Variants in ZNF292 observed in about 807,000 individuals in gnomAD.
The protein encoded by ZNF292 is 16 zinc-finger domain protein.
A neutral mutation model predicts 217.9 loss-of-function variants in ZNF292; 26 were observed. The observed-to-expected ratio is 0.12, with a 90% CI of 0.09 to 0.17. The LOEUF (loss-of-function observed/expected upper bound fraction) is 0.17. ZNF292 is among the 10% of genes least tolerant of loss of function. The pLI, the probability that ZNF292 is intolerant of heterozygous loss-of-function variation, is 1.00. For synonymous variants in ZNF292, 1,257 were observed against 1,124.1 expected (o/e 1.12, Z -2.37); for missense variants, 2,904 against 3,175.2 (o/e 0.91, Z 2.05).
rs1775535063 is a variant in ZNF292 at position 87,260,754 on chromosome 6, G to A, written c.7125G>A (p.Leu2375=). 10 of 1,613,318 alleles carry A rather than the reference G, an allele frequency of 6.2e-6. No homozygotes were observed. The highest frequency in any genetic ancestry group is 7.6e-6 in the Non-Finnish European group (9 of 1,179,624). The part of the protein sequence containing the change: ...VYSIKARNDA[L]SECTSRFVTQ... ...CTATAAAGGCTAGAAATGATGCCCT[G>A]TCTGAGTGTACAAGCAGATTTGTAA... is the stretch of plus-strand genomic sequence containing the variant. Residue 2375 remains leucine (L), a synonymous_variant, in exon 8 of 8, where the codon CTG becomes CTA. Coordinates refer to ENST00000369577, the MANE Select transcript of ZNF292 (RefSeq NM_015021.3).
intron 7 of ZNF292, among the ~76,000 whole-genome samples, chr6:87,254,365 G>A (rs184791308): frequency 1.1e-4 from 17 of 152,294 alleles, no homozygotes; most frequent in African/African-American, 4.1e-4. Context: ...TAAGTGGGAT[G>A]GGAAAGGTCA....
rs375412949 is a variant in ZNF292 at position 87,177,094 on chromosome 6, G to A, written c.168+21335G>A. The stretch of plus-strand genomic sequence containing the variant: ...TGTAATCCCAGCACTTTGGGAGGCC[G>A]AGGTGGGCAGATCACCTGAGGTCAG... On this transcript the variant is annotated intron_variant, in intron 1 of 7. Transcript: ENST00000369577. Among the ~76,000 whole-genome samples, 141 of 152,176 alleles carry A rather than the reference G, an allele frequency of 9.3e-4. 2 individuals carry two copies. The East Asian group carries it at 0.02, about 21-fold the overall frequency.
Position 87,257,310 on chromosome 6 carries a change from A to C in ZNF292, c.3681A>C (p.Leu1227Phe), listed in dbSNP as rs146052403. 182 of 1,613,694 alleles carry C rather than the reference A, an allele frequency of 1.1e-4. 1 individual carries two copies. The East Asian group carries it at 3.3e-3, about 29-fold the overall frequency. ...SQDKNEQGGMLCSQMENLPST... is the reference protein window; with the variant it reads ...SQDKNEQGGMFCSQMENLPST... Reference sequence around the variant, plus strand: ...ATAAAAATGAACAAGGTGGTATGTTATGTTCCCAAATGGAAAATTTACCTA... The same window carrying C: ...ATAAAAATGAACAAGGTGGTATGTTCTGTTCCCAAATGGAAAATTTACCTA... The change falls in exon 8 of 8, where the codon TTA becomes TTC. Residue 1227 changes from leucine to phenylalanine, a missense_variant. By Grantham distance (22) the Leu-to-Phe change is conservative. Around this residue, in one of 15 missense-constraint regions of ZNF292, gnomAD observed 687 missense variants for 623.0 expected, o/e 1.10. Coordinates refer to ENST00000369577, the MANE Select transcript of ZNF292 (RefSeq NM_015021.3).
intron 4 of ZNF292, among the ~76,000 whole-genome samples, chr6:87,224,437 G>T (rs1773238561): frequency 6.8e-6 from 1 of 147,992 alleles, no homozygotes. Flanking sequence ...ATACATAGTA[G>T]TTTCACTCCC....
Position 87,254,682 on chromosome 6 carries a change from A to G in ZNF292, c.1053A>G (p.Glu351=), listed in dbSNP as rs1367071481. The G allele has an allele frequency of 6.2e-7, 1 of 1,613,776 alleles. No homozygotes were observed. The highest frequency in any genetic ancestry group is 8.5e-7 in the Non-Finnish European group (1 of 1,179,742). Residue 351 remains glutamate, a synonymous_variant, in exon 8 of 8, where the codon GAA becomes GAG. Transcript: ENST00000369577. ...TEGAGLATCI[E]LCVKALRLES... is the part of the protein sequence containing the mutation. ...GGGCTGGACTTGCTACCTGTATAGAACTGTGTGTAAAGGCTCTTCGCTTGG... is the reference window on the plus strand; with the variant it reads ...GGGCTGGACTTGCTACCTGTATAGAGCTGTGTGTAAAGGCTCTTCGCTTGG...
At chr6:87,168,506 T>C (rs1048030190) in intron 1 of ZNF292, among the ~76,000 whole-genome samples, 3 of 152,194 alleles carry the variant, frequency 2.0e-5, no homozygotes, top group African/African-American at 7.2e-5. Context: ...CGAGTTTCGC[T>C]CTTGTCAGGC....
At chr6:87,204,565 T>TTA (rs1402161875) in intron 1 of ZNF292, among the ~76,000 whole-genome samples, 1 of 139,456 alleles carries the variant, frequency 7.2e-6, no homozygotes, top group Admixed American at 7.1e-5. Flanking sequence ...TTTTTTTTTT[T>TTA]TTTTTTTTTT....
chr6:87,261,014 C>A lies in ZNF292; in HGVS notation c.7385C>A (p.Ser2462Ter). 6.2e-7 allele frequency: 1 copy of A among 1,604,042 alleles called. No individual in the cohort carries two copies. The highest frequency in any genetic ancestry group is 1.1e-5 in the South Asian group (1 of 89,824). The change falls in exon 8 of 8, where the codon TCA becomes TAA. Residue 2462 changes from serine to a stop codon, truncating the protein, a stop_gained. Coordinates refer to ENST00000369577, the MANE Select transcript of ZNF292 (RefSeq NM_015021.3). LOFTEE classifies it high-confidence loss of function. ...TGTGTATCAGAGAGCAATGATAATTCAAGAACAACAGCTACAGTTTCACAA... is the reference window on the plus strand; with the variant it reads ...TGTGTATCAGAGAGCAATGATAATTAAAGAACAACAGCTACAGTTTCACAA... ...DTCVSESNDNSRTTATVSQKE... is the reference protein window; with the variant it reads ...DTCVSESNDN
chr6:87,201,901 G>A (rs188085435), intron 1 of ZNF292, among the ~76,000 whole-genome samples: 1 of 152,148 alleles, frequency 6.6e-6, no homozygotes, highest in Non-Finnish European at 1.5e-5. Context: ...TCACATATAT[G>A]TAATTCTGTT....
rs570086507 is a variant in ZNF292, at chr6:87,252,634, C to T, written c.1021-2016C>T. Among the ~76,000 whole-genome samples the T allele has an allele frequency of 2.6e-5, 4 of 152,272 alleles. No homozygotes were observed. The East Asian group carries it at 7.7e-4, about 29-fold the overall frequency. ...TTGGCCCTTAATTCCTCCCAGACTT[C>T]TTTCTTTGTGTCTTTCTGTGTGTAG... On this transcript the variant is annotated intron_variant, in intron 7 of 7. Transcript: ENST00000369577.
rs1403145209 is a variant in ZNF292 at position 87,260,373 on chromosome 6, T to C, written c.6744T>C (p.Ser2248=). The C allele has an allele frequency of 1.2e-6, 2 of 1,613,506 alleles. No individual in the cohort carries two copies. Among genetic ancestry groups the C allele is most frequent in the South Asian group, 2.2e-5 (2 of 91,062 alleles). ...ACCACGGGATTGGACTAAGGGCAAG[T>C]AAAACAGAAGAAGATGGTGTATACA... is the stretch of plus-strand genomic sequence containing the variant. ...EADHGIGLRA[S]KTEEDGVYKC... is the part of the protein sequence containing the mutation. The change falls in exon 8 of 8, where the codon AGT becomes AGC. Residue 2248 remains serine, a synonymous_variant. Coordinates refer to ENST00000369577, the MANE Select transcript of ZNF292 (RefSeq NM_015021.3).
intron 4 of ZNF292, among the ~76,000 whole-genome samples, chr6:87,230,185 A>G (rs751769172): frequency 6.6e-6 from 1 of 152,078 alleles, no homozygotes; most frequent in Non-Finnish European, 1.5e-5. Context: ...GTGTAGAGAT[A>G]TTGTATGCTG....
At chr6:87,235,365 C>A (rs1773853219) in intron 5 of ZNF292, among the ~76,000 whole-genome samples, 1 of 152,104 alleles carries the variant, frequency 6.6e-6, no homozygotes, top group Non-Finnish European at 1.5e-5. Flanking sequence ...CCTTCCCCTT[C>A]CACAGATTTG....
intron 7 of ZNF292, among the ~76,000 whole-genome samples, chr6:87,248,869 G>T (rs543290990): frequency 6.6e-6 from 1 of 152,282 alleles, no homozygotes; most frequent in Non-Finnish European, 1.5e-5. Context: ...GCCAGAGGAT[G>T]GGGTGCAAAA....
chr6:87,259,390 A>G lies in ZNF292; in HGVS notation c.5761A>G (p.Lys1921Glu), dbSNP rs1448035801. ...YSAMTKDALF[K>E]HYGKIHQYTP... ...TGCTATGACAAAGGATGCACTATTT[A>G]AGCACTATGGTAAAATTCATCAATA... is the stretch of plus-strand genomic sequence containing the variant. The change falls in exon 8 of 8, where the codon AAG (lysine) becomes GAG (glutamate). Residue 1921 changes from lysine (K) to glutamate (E), a missense_variant. Lys to Glu is a moderately conservative substitution (Grantham distance 56). Transcript: ENST00000369577. The G allele has an allele frequency of 6.2e-7, 1 of 1,610,424 alleles. No individual in the cohort carries two copies. Among genetic ancestry groups the G allele is most frequent in the African/African-American group, 1.3e-5 (1 of 74,872 alleles).
chr6:87,156,101 C>T (rs1770524908), intron 1 of ZNF292, among the ~76,000 whole-genome samples: 3 of 152,192 alleles, frequency 2.0e-5, no homozygotes, highest in Admixed American at 2.0e-4. Context: ...TTCTCTTCCT[C>T]CTCCTCCTTT....
chr6:87,233,563 A>G, intron 5 of ZNF292, 36 bp downstream of exon 5: 4 of 1,574,226 alleles, frequency 2.5e-6, no homozygotes, highest in Middle Eastern at 2.3e-4. Flanking sequence ...ATTATTTTTT[A>G]AGTTGAGAAA....
At position 87,261,667 on chromosome 6, in the gene ZNF292, C is replaced by T; in HGVS notation, c.8038C>T (p.Leu2680Phe). 2 of 1,612,696 alleles carry T rather than the reference C, an allele frequency of 1.2e-6. No homozygotes were observed. The highest frequency in any genetic ancestry group is 1.7e-5 in the Admixed American group (1 of 59,790). The change falls in exon 8 of 8, where the codon CTT becomes TTT. Residue 2680 changes from leucine (L) to phenylalanine (F), a missense_variant. Leu to Phe is a conservative substitution (Grantham distance 22). Around this residue, in one of 15 missense-constraint regions of ZNF292, gnomAD observed 380 missense variants for 355.3 expected, o/e 1.07. Coordinates refer to ENST00000369577, the MANE Select transcript of ZNF292 (RefSeq NM_015021.3). ...CAAGAATCTTAAAGATTGCACTGAG[C>T]TTGTCTTAAAGCAACTTCAGGAAAT... ...LDKNLKDCTE[L>F]VLKQLQEMKP...
chr6:87,257,183 A>G lies in ZNF292; in HGVS notation c.3554A>G (p.Gln1185Arg). The G allele has an allele frequency of 1.2e-6, 2 of 1,613,928 alleles. No homozygotes were observed. Among genetic ancestry groups the G allele is most frequent in the Non-Finnish European group, 1.7e-6 (2 of 1,179,850 alleles). Residue 1185 changes from glutamine to arginine, a missense_variant, in exon 8 of 8, where the codon CAG becomes CGG. Transcript: ENST00000369577. The part of the protein sequence containing the change: ...NGNPACSAQL[Q>R]HVSPPIFPAH... ...AATCCTGCTTGTTCGGCCCAGTTGC[A>G]GCATGTCTCGCCACCCATTTTTCCA...
Sources: gnomAD v4.1 joint callset for allele counts (sites outside exome capture counted in the v4.1 genomes callset) on GRCh38, gnomAD v4.1.1 for gene constraint, gnomAD v4.1.1 regional missense constraint, MANE v1.5 for transcripts, NCBI Gene and HGNC (gene_info 2026-07-23, HGNC 2026-07-21) for gene names.